The following ANO4 variants were observed in gnomAD, a reference collection of about 807,000 sequenced individuals.
The protein encoded by ANO4 is anoctamin 4.
Under a neutral mutation model 141.9 loss-of-function variants are expected in ANO4, and 69 were observed. The observed-to-expected ratio is 0.49, with a 90% CI of 0.40 to 0.59. ANO4 has a LOEUF of 0.59. Ranked by LOEUF, ANO4 falls within the 20% of genes least tolerant of loss-of-function variation. The pLI is 0.00. For missense variants in ANO4, 894 were observed against 1,162.2 expected, an observed-to-expected ratio of 0.77 and a Z score of 3.36; for synonymous variants, 350 against 394.3, an observed-to-expected ratio of 0.89 and a Z score of 1.33.
intron 2 of ANO4, among the ~76,000 whole-genome samples, chr12:100,904,023 G>A (rs1444067780): frequency 6.6e-6 from 1 of 152,120 alleles, no homozygotes; most frequent in East Asian, 1.9e-4. Flanking sequence ...GTTTTGCTCT[G>A]TTATCTTTGA....
intron 8 of ANO4, among the ~76,000 whole-genome samples, chr12:101,003,675 C>G (rs1327296055): frequency 2.6e-5 from 4 of 151,986 alleles, no homozygotes; most frequent in Admixed American, 2.6e-4. Flanking sequence ...CACGTAATTG[C>G]ACATATTTAT....
chr12:100,726,666 C>T (rs1331278890), intron 1 of ANO4, among the ~76,000 whole-genome samples: 1 of 152,186 alleles, frequency 6.6e-6, no homozygotes, highest in Non-Finnish European at 1.5e-5. Context: ...AGAGACTGCA[C>T]TCGGAGGAGC....
chr12:100,901,581 C>G (rs992724728), intron 1 of ANO4, 65 bp from the exon 2 acceptor site: 1 of 626,290 alleles, frequency 1.6e-6, no homozygotes, highest in African/African-American at 1.8e-5. Flanking sequence ...CATATGAGAG[C>G]GTAACAGCCT....
chr12:100,732,132 G>A (rs916340713), intron 1 of ANO4, among the ~76,000 whole-genome samples: 1 of 152,132 alleles, frequency 6.6e-6, no homozygotes, highest in Non-Finnish European at 1.5e-5. Context: ...TGGATGGTAT[G>A]GTAAGAGTAT....
intron 18 of ANO4, among the ~76,000 whole-genome samples, chr12:101,095,482 GAAACCCTTTAAGA>G (rs2049945519): frequency 6.6e-6 from 1 of 152,152 alleles, no homozygotes; most frequent in African/African-American, 2.4e-5. Context: ...TAGCAGAAGT[GAAACCCTTTAAGA>G]AAACCCTTTA....
chr12:100,955,975 C>CT (rs1274441565), intron 5 of ANO4, among the ~76,000 whole-genome samples: 1 of 152,198 alleles, frequency 6.6e-6, no homozygotes, highest in Non-Finnish European at 1.5e-5. Flanking sequence ...TCCACAGTGC[C>CT]TGGCTCATCA....
intron 3 of ANO4, among the ~76,000 whole-genome samples, chr12:100,774,506 T>C (rs775715130): frequency 7.2e-5 from 11 of 152,232 alleles, no homozygotes; most frequent in Non-Finnish European, 1.3e-4. Flanking sequence ...ATTGAGTTTT[T>C]TGATTAACTT....
intron 14 of ANO4, among the ~76,000 whole-genome samples, chr12:101,077,027 A>G (rs977513531): frequency 6.6e-6 from 1 of 152,170 alleles, no homozygotes; most frequent in Non-Finnish European, 1.5e-5. Context: ...AGTTTCCACC[A>G]CCCTGACTGC....
At chr12:100,942,345 A>G (rs769246153) in intron 4 of ANO4, 32 bp from the exon 5 acceptor site, 1 of 1,600,866 alleles carries the variant, frequency 6.2e-7, no homozygotes, top group Non-Finnish European at 8.5e-7. Flanking sequence ...TTGATGAATG[A>G]CTTAAACTGG....
At chr12:101,058,380 G>C (rs1375489105) in intron 14 of ANO4, among the ~76,000 whole-genome samples, 4 of 150,952 alleles carry the variant, frequency 2.6e-5, no homozygotes, top group African/African-American at 9.7e-5. Flanking sequence ...TTAAAGTAGT[G>C]TTTTCTAATT....
intron 3 of ANO4, among the ~76,000 whole-genome samples, chr12:100,761,220 C>T (rs1397043064): frequency 6.6e-6 from 1 of 152,102 alleles, no homozygotes; most frequent in Non-Finnish European, 1.5e-5. Flanking sequence ...GTCTAGAAGG[C>T]ATGAAGAAGT....
At position 101,050,785 on chromosome 12, in the gene ANO4, C is replaced by G. The variant is rs553194963; in HGVS notation, c.1312+2384C>G. 3.3e-5 allele frequency among the ~76,000 whole-genome samples: 5 copies of G among 152,252 alleles called. No homozygotes were observed. The South Asian group carries it at 6.2e-4, about 19-fold the overall frequency. On this transcript the variant is annotated intron_variant, in intron 14 of 27. Coordinates refer to ENST00000392977, the MANE Select transcript of ANO4 (RefSeq NM_001286615.2). ...GTACATGGAGGAGCCTCCTCATGGC[C>G]ATGGATAGGGCTGTCCCAAACACCC...
intron 14 of ANO4, among the ~76,000 whole-genome samples, chr12:101,053,466 C>G (rs1038286007): frequency 9.2e-5 from 14 of 152,166 alleles, no homozygotes; most frequent in African/African-American, 3.4e-4. Flanking sequence ...AGTCCAAAAT[C>G]AAGGTGTCAG....
At chr12:101,027,347 C>G (rs61944927) in intron 9 of ANO4, among the ~76,000 whole-genome samples, 45,656 of 152,150 alleles carry the variant, frequency 0.3, 7,031 homozygotes, top group African/African-American at 0.33. Context: ...AGAGCTCCTG[C>G]GGGGAGGGGT....
intron 1 of ANO4, among the ~76,000 whole-genome samples, chr12:100,863,175 G>C (rs1465115201): frequency 1.3e-5 from 2 of 152,176 alleles, no homozygotes; most frequent in African/African-American, 4.8e-5. Context: ...GATCAGAGCA[G>C]GATGGGCTGA....
intron 17 of ANO4, among the ~76,000 whole-genome samples, chr12:101,088,377 C>A (rs2049594617): frequency 6.6e-6 from 1 of 152,074 alleles, no homozygotes; most frequent in South Asian, 2.1e-4. Flanking sequence ...TGCTATCTGA[C>A]AATTTCCCAT....
chr12:100,984,081 A>G (rs903697340), intron 7 of ANO4, among the ~76,000 whole-genome samples: 1 of 151,436 alleles, frequency 6.6e-6, no homozygotes, highest in Non-Finnish European at 1.5e-5. Flanking sequence ...CCCATGCCCA[A>G]CCAGTGTCTC....
chr12:101,025,349 G>A (rs1265202605), intron 9 of ANO4, among the ~76,000 whole-genome samples: 4 of 152,194 alleles, frequency 2.6e-5, no homozygotes, highest in African/African-American at 9.7e-5. Context: ...ATGTAGGCAG[G>A]ACCTGAAAGA....
At chr12:100,837,294 A>G (rs2135794926) in intron 1 of ANO4, among the ~76,000 whole-genome samples, 1 of 152,198 alleles carries the variant, frequency 6.6e-6, no homozygotes, top group East Asian at 1.9e-4. Context: ...TAGTACTGTT[A>G]TAATATCATT....
Sources: allele counts gnomAD v4.1 joint callset (sites outside exome capture counted in the v4.1 genomes callset), GRCh38; gene constraint gnomAD v4.1.1; transcripts MANE v1.5; gene names NCBI Gene and HGNC (gene_info 2026-07-23, HGNC 2026-07-21).